SLC24A2: variants seen among roughly 807,000 people sequenced by gnomAD.
SLC24A2 encodes solute carrier family 24 member 2, also known as sodium/potassium/calcium exchanger 2.
A neutral mutation model predicts 62.0 loss-of-function variants in SLC24A2; 36 were observed. That is an observed-to-expected ratio of 0.58 (90% CI 0.44 to 0.77). The LOEUF is 0.77. Ranked by LOEUF, SLC24A2 falls within the 30% of genes least tolerant of loss-of-function variation. The probability of loss-of-function intolerance (pLI) is 0.00; values close to 1 mark genes in which losing one functional copy is unlikely to be tolerated. For missense variants in SLC24A2, 846 were observed against 817.9 expected (o/e 1.03, Z -0.42); for synonymous variants, 358 against 294.0 (o/e 1.22, Z -2.23).
In SLC24A2 at chr9:19,513,160, A is replaced by ATATATATATATG. The variant is rs1563921157; in HGVS notation, c.*2992_*2993insCATATATATATA. 15 of 61,152 alleles carry ATATATATATATG rather than the reference A, an allele frequency of 2.5e-4. No homozygotes were observed. Among genetic ancestry groups the ATATATATATATG allele is most frequent in the African/African-American group, 8.0e-4 (13 of 16,210 alleles). 3.8% of individuals were successfully genotyped at this position (61,152 alleles called of 1,614,324 possible). A position where few individuals can be genotyped will look rare whatever the true frequency, so the allele number is the denominator to read the frequency against. ...ATATAGATCTGGTATAAAGATATAT[A>ATATATATATATG]TATATATATATATATGTATATATAT... On this transcript the variant is annotated 3_prime_UTR_variant, in exon 11 of 11. Coordinates refer to ENST00000341998, the MANE Select transcript of SLC24A2 (RefSeq NM_020344.4).
rs369260129 is a variant in SLC24A2, at chr9:19,536,192, TTTTA to T, written c.1480-8058_1480-8055del. 2.1e-3 allele frequency among the ~76,000 whole-genome samples: 315 copies of T among 150,570 alleles called. 2 individuals are homozygous for T. The South Asian group carries it at 0.027, about 13-fold the overall frequency. The stretch of plus-strand genomic sequence containing the variant: ...TAAGAAATTTTCTTTTTTTTTAATT[TTTTA>T]TTTATTTATTTTTTTTTATTACACT... On this transcript the variant is annotated intron_variant, in intron 8 of 10. Coordinates refer to ENST00000341998, the MANE Select transcript of SLC24A2 (RefSeq NM_020344.4).
At chr9:20,101,817 G>A in the SLC24A2 span, among the ~76,000 whole-genome samples, 1 of 152,108 alleles carries the variant, frequency 6.6e-6, no homozygotes, top group Non-Finnish European at 1.5e-5. Flanking sequence ...AGGGAAGGGA[G>A]GGTACCAGTA....
chr9:19,538,892 G>A (rs1834106962), intron 8 of SLC24A2, among the ~76,000 whole-genome samples: 1 of 127,252 alleles, frequency 7.9e-6, no homozygotes, highest in Non-Finnish European at 1.6e-5. Flanking sequence ...GCCTGTTATT[G>A]GTCTATTCAG....
At chr9:19,877,427 C>T in the SLC24A2 span, among the ~76,000 whole-genome samples, 1 of 147,630 alleles carries the variant, frequency 6.8e-6, no homozygotes, top group African/African-American at 2.5e-5. Context: ...ATTTTCATAA[C>T]CAATTTAAAA....
the SLC24A2 span, among the ~76,000 whole-genome samples, chr9:20,252,303 G>A: frequency 6.6e-6 from 1 of 152,042 alleles, no homozygotes; most frequent in Non-Finnish European, 1.5e-5. Context: ...AGTTTGTATT[G>A]TACTTTCTGA....
intron 2 of SLC24A2, among the ~76,000 whole-genome samples, chr9:19,720,449 G>T (rs1288773044): frequency 1.3e-5 from 2 of 152,134 alleles, no homozygotes; most frequent in Admixed American, 6.5e-5. Flanking sequence ...GCGTGGAGAA[G>T]AAAGTGCTGA....
At chr9:20,295,036 GTATATA>G in the SLC24A2 span, among the ~76,000 whole-genome samples, 1 of 145,680 alleles carries the variant, frequency 6.9e-6, no homozygotes, top group East Asian at 2.0e-4. Flanking sequence ...GTGTATATAT[GTATATA>G]TATATATATA....
intron 2 of SLC24A2, among the ~76,000 whole-genome samples, chr9:19,691,513 G>C (rs1198743454): frequency 6.6e-6 from 1 of 152,114 alleles, no homozygotes; most frequent in Admixed American, 6.6e-5. Flanking sequence ...CTACCATCAT[G>C]GTTTTGCCAT....
At chr9:19,959,844 G>A in the SLC24A2 span, among the ~76,000 whole-genome samples, 1 of 152,160 alleles carries the variant, frequency 6.6e-6, no homozygotes, top group African/African-American at 2.4e-5. Context: ...AACAACAAGT[G>A]AGCACGTGAT....
the SLC24A2 span, among the ~76,000 whole-genome samples, chr9:19,820,856 C>T: frequency 2.0e-5 from 3 of 152,058 alleles, no homozygotes; most frequent in Non-Finnish European, 4.4e-5. Flanking sequence ...AGCATATTCC[C>T]ATTAAAGAGC....
At chr9:19,586,970 A>C (rs1241182689) in intron 5 of SLC24A2, among the ~76,000 whole-genome samples, 2 of 152,318 alleles carry the variant, frequency 1.3e-5, no homozygotes, top group East Asian at 3.9e-4. Context: ...TCTAAGAGGT[A>C]AACGAATGAA....
At chr9:19,756,065 C>T (rs1822131852) in intron 2 of SLC24A2, among the ~76,000 whole-genome samples, 1 of 152,164 alleles carries the variant, frequency 6.6e-6, no homozygotes, top group African/African-American at 2.4e-5. Flanking sequence ...CTGACCATGG[C>T]AAATTCACCA....
At chr9:19,652,384 G>C (rs186097273) in intron 2 of SLC24A2, among the ~76,000 whole-genome samples, 2 of 152,242 alleles carry the variant, frequency 1.3e-5, no homozygotes, top group Admixed American at 1.3e-4. Flanking sequence ...ATCTTGAGAT[G>C]GGGAAATTAT....
the SLC24A2 span, among the ~76,000 whole-genome samples, chr9:20,021,831 G>A: frequency 7.9e-5 from 12 of 151,922 alleles, no homozygotes; most frequent in East Asian, 1.9e-4. Flanking sequence ...CCAAGCAGCC[G>A]TCATCACCTC....
At chr9:19,767,656 G>C (rs1219100525) in intron 2 of SLC24A2, among the ~76,000 whole-genome samples, 1 of 152,180 alleles carries the variant, frequency 6.6e-6, no homozygotes, top group Non-Finnish European at 1.5e-5. Flanking sequence ...GTCCCAGTGA[G>C]GTGAACCGGG....
the SLC24A2 span, among the ~76,000 whole-genome samples, chr9:20,071,532 G>GC: frequency 6.6e-6 from 1 of 152,104 alleles, no homozygotes; most frequent in Non-Finnish European, 1.5e-5. Context: ...GATGAATAAT[G>GC]CCCCCCAAAA....
At chr9:20,030,653 C>G in the SLC24A2 span, among the ~76,000 whole-genome samples, 1 of 152,208 alleles carries the variant, frequency 6.6e-6, no homozygotes, top group South Asian at 2.1e-4. Flanking sequence ...CACTTACAGA[C>G]TTTTCAGTAT....
At chr9:20,182,370 G>C in the SLC24A2 span, among the ~76,000 whole-genome samples, 5 of 152,188 alleles carry the variant, frequency 3.3e-5, no homozygotes, top group Non-Finnish European at 7.3e-5. Flanking sequence ...CAATAGCAAA[G>C]ACTTGGAACC....
At chr9:20,061,653 T>C in the SLC24A2 span, among the ~76,000 whole-genome samples, 5 of 152,194 alleles carry the variant, frequency 3.3e-5, no homozygotes, top group Non-Finnish European at 7.4e-5. Context: ...TTTCAATAGA[T>C]GGTTGTGCTA....
Sources: gnomAD v4.1 joint callset for allele counts (sites outside exome capture counted in the v4.1 genomes callset) on GRCh38, gnomAD v4.1.1 for gene constraint, MANE v1.5 for transcripts, NCBI Gene and HGNC (gene_info 2026-07-23, HGNC 2026-07-21) for gene names.